Variants in ELP4 observed in about 807,000 individuals in gnomAD.
The protein encoded by ELP4 is elongator complex protein 4.
ELP4 carries 51 observed loss-of-function variants against 48.9 expected under a neutral mutation model. That is an observed-to-expected ratio of 1.04 (90% confidence interval 0.83 to 1.32). The LOEUF is 1.32. Ranked by LOEUF, ELP4 falls within the 40% of genes most tolerant of loss-of-function variation. ELP4 has a pLI of 0.00. For synonymous variants in ELP4, 210 were observed against 189.2 expected, an observed-to-expected ratio of 1.11 and a Z score of -0.90; for missense variants, 519 against 514.6, an observed-to-expected ratio of 1.01 and a Z score of -0.08.
intron 7 of ELP4, among the ~76,000 whole-genome samples, chr11:31,638,376 A>G (rs1945023860): frequency 6.6e-6 from 1 of 151,808 alleles, no homozygotes; most frequent in Non-Finnish European, 1.5e-5. Flanking sequence ...CCTATAGCAT[A>G]TTTTCATTTG....
Position 31,746,245 on chromosome 11 carries a change from T to C in ELP4, c.1144-37148T>C, listed in dbSNP as rs375605077. On this transcript the variant is annotated intron_variant, in intron 9 of 9. Transcript: ENST00000640961. ...TTAAAAAGTCAGGAAATAACAGGTG[T>C]TGGAGAGGATGTGGAGAAATAGGAA... 4.0e-3 allele frequency among the ~76,000 whole-genome samples: 607 copies of C among 152,012 alleles called. 4 individuals are homozygous for C. Among genetic ancestry groups the C allele is most frequent in the African/African-American group, 0.014 (581 of 41,440 alleles).
At chr11:31,640,203 C>T (rs1302621003) in intron 7 of ELP4, among the ~76,000 whole-genome samples, 1 of 151,878 alleles carries the variant, frequency 6.6e-6, no homozygotes. Context: ...TTCTATATCA[C>T]TTTTTGTGTA....
At chr11:31,652,923 T>C (rs1031238695) in intron 9 of ELP4, 2 of 151,750 alleles carry the variant, frequency 1.3e-5, no homozygotes, top group African/African-American at 4.8e-5. Context: ...AGGGCAACTT[T>C]TTTTTAATTT....
chr11:31,769,307 A>G (rs185877114), intron 9 of ELP4, among the ~76,000 whole-genome samples: 8 of 152,298 alleles, frequency 5.3e-5, no homozygotes, highest in African/African-American at 1.2e-4. Flanking sequence ...GACATTGGCT[A>G]TTATGCTCTG....
chr11:31,766,796 T>TA (rs1948051332), intron 9 of ELP4, among the ~76,000 whole-genome samples: 1 of 152,136 alleles, frequency 6.6e-6, no homozygotes, highest in Non-Finnish European at 1.5e-5. Context: ...CTCTGTAATT[T>TA]ACAAATATTT....
chr11:31,674,334 T>A (rs770818984), intron 9 of ELP4, among the ~76,000 whole-genome samples: 15 of 152,208 alleles, frequency 9.9e-5, no homozygotes, highest in Admixed American at 2.0e-4. Flanking sequence ...GAGACACATT[T>A]TTCACTAACA....
chr11:31,595,997 C>G (rs1957665048), intron 4 of ELP4, among the ~76,000 whole-genome samples: 1 of 152,126 alleles, frequency 6.6e-6, no homozygotes. Flanking sequence ...TTTTCACTTT[C>G]TTACTCACCA....
At chr11:31,662,735 T>C in intron 9 of ELP4, 1 of 393,222 alleles carries the variant, frequency 2.5e-6, no homozygotes, top group Non-Finnish European at 4.5e-6. Context: ...TACAGTCATT[T>C]GCTGTGTAAT....
intron 9 of ELP4, among the ~76,000 whole-genome samples, chr11:31,678,566 A>G (rs1318348462): frequency 1.4e-5 from 2 of 144,802 alleles, no homozygotes; most frequent in South Asian, 2.2e-4. Flanking sequence ...ATGTTCTCCT[A>G]TGTCTTTCTC....
intron 9 of ELP4, among the ~76,000 whole-genome samples, chr11:31,667,366 G>C (rs1193180293): frequency 6.6e-6 from 1 of 152,022 alleles, no homozygotes; most frequent in Non-Finnish European, 1.5e-5. Flanking sequence ...TCTACACAAA[G>C]TTTTTCTAAA....
chr11:31,606,667 A>G (rs1402338784), intron 5 of ELP4, among the ~76,000 whole-genome samples: 1 of 152,180 alleles, frequency 6.6e-6, no homozygotes, highest in Non-Finnish European at 1.5e-5. Flanking sequence ...CACTATTACA[A>G]ATCAGATAAT....
chr11:31,568,903 G>T (rs1957153472), intron 3 of ELP4, among the ~76,000 whole-genome samples: 1 of 151,952 alleles, frequency 6.6e-6, no homozygotes, highest in Non-Finnish European at 1.5e-5. Flanking sequence ...TGGCCAACAT[G>T]GTGAAACCCC....
Position 31,509,972 on chromosome 11 carries a change from T to C in ELP4, c.188T>C (p.Val63Ala), listed in dbSNP as rs754748375. ...TCGGTGCGGAATGGACAGCTGCTGG[T>C]ATCAACCGGGCTCCCAGCCCTAGAC... ...RPSVRNGQLL[V>A]STGLPALDQL... The change falls in exon 1 of 10, where the codon GTA becomes GCA. Residue 63 changes from valine (V) to alanine (A), a missense_variant. Val to Ala is a moderately conservative substitution (Grantham distance 64). Coordinates refer to ENST00000640961, the MANE Select transcript of ELP4 (RefSeq NM_019040.5). The C allele has an allele frequency of 1.9e-6, 3 of 1,612,486 alleles. No homozygotes were observed. Among genetic ancestry groups the C allele is most frequent in the Non-Finnish European group, 2.5e-6 (3 of 1,180,020 alleles).
At chr11:31,516,121 A>C (rs189864284) in intron 1 of ELP4, among the ~76,000 whole-genome samples, 7 of 152,150 alleles carry the variant, frequency 4.6e-5, no homozygotes, top group Non-Finnish European at 7.4e-5. Flanking sequence ...TCAAAAAATA[A>C]AAAATCTTTG....
At chr11:31,708,926 T>A (rs1486207036) in intron 9 of ELP4, among the ~76,000 whole-genome samples, 1 of 152,206 alleles carries the variant, frequency 6.6e-6, no homozygotes, top group Non-Finnish European at 1.5e-5. Context: ...TGTTATTTAA[T>A]TCCCCAATTT....
intron 5 of ELP4, among the ~76,000 whole-genome samples, chr11:31,612,283 T>A (rs1957996087): frequency 6.6e-6 from 1 of 152,228 alleles, no homozygotes; most frequent in East Asian, 1.9e-4. Context: ...ATGACTTCTC[T>A]TAGTGAAATA....
At chr11:31,524,134 ATTAC>A (rs1378389694) in intron 2 of ELP4, among the ~76,000 whole-genome samples, 3 of 152,176 alleles carry the variant, frequency 2.0e-5, no homozygotes, top group Non-Finnish European at 2.9e-5. Context: ...GTACTTTTAT[ATTAC>A]TTTTTTCTGT....
At chr11:31,595,832 A>G (rs945638550) in intron 4 of ELP4, among the ~76,000 whole-genome samples, 1 of 152,062 alleles carries the variant, frequency 6.6e-6, no homozygotes, top group Admixed American at 6.6e-5. Context: ...CGCAATATGA[A>G]ATACAAATTT....
intron 9 of ELP4, among the ~76,000 whole-genome samples, chr11:31,665,338 G>A (rs1380817548): frequency 3.3e-5 from 5 of 152,040 alleles, no homozygotes; most frequent in Non-Finnish European, 5.9e-5. Flanking sequence ...CAAAAGGGAA[G>A]TCTCTCTCCC....
Sources: allele counts gnomAD v4.1 joint callset (sites outside exome capture counted in the v4.1 genomes callset), GRCh38; gene constraint gnomAD v4.1.1; transcripts MANE v1.5; gene names NCBI Gene and HGNC (gene_info 2026-07-23, HGNC 2026-07-21).